The following ROBO2 variants were observed in gnomAD, a reference collection of about 807,000 sequenced individuals.
The protein encoded by ROBO2 is roundabout homolog 2.
A neutral mutation model predicts 160.8 loss-of-function variants in ROBO2; 53 were observed. The ratio of observed to expected loss-of-function variants is 0.33; its 90% confidence interval spans 0.26 to 0.41. ROBO2 has a LOEUF of 0.41. Among genes scored for constraint, ROBO2 ranks in the 10% least tolerant of loss-of-function variants. The pLI, the probability that ROBO2 is intolerant of heterozygous loss-of-function variation, is 1.00. For missense variants in ROBO2, 1,577 were observed against 1,722.4 expected, an observed-to-expected ratio of 0.92 and a Z score of 1.49; for synonymous variants, 664 against 611.7, an observed-to-expected ratio of 1.09 and a Z score of -1.26.
chr3:76,321,084 A>T (rs1212763800), intron 2 of ROBO2, among the ~76,000 whole-genome samples: 19 of 152,224 alleles, frequency 1.2e-4, no homozygotes, highest in Admixed American at 1.2e-3. Flanking sequence ...ACAAGAATGA[A>T]GATACATTTA....
intron 2 of ROBO2, among the ~76,000 whole-genome samples, chr3:76,038,435 A>C (rs1157324376): frequency 6.6e-6 from 1 of 151,998 alleles, no homozygotes; most frequent in Admixed American, 6.5e-5. Flanking sequence ...GAATGAGATT[A>C]CATTGTATGA....
intron 1 of ROBO2, among the ~76,000 whole-genome samples, chr3:77,076,304 T>G (rs991322250): frequency 6.6e-6 from 1 of 152,140 alleles, no homozygotes; most frequent in African/African-American, 2.4e-5. Context: ...ACTCTTTAAC[T>G]TTTTAGGGAT....
At chr3:77,482,296 C>G (rs2084800407) in intron 4 of ROBO2, among the ~76,000 whole-genome samples, 2 of 152,120 alleles carry the variant, frequency 1.3e-5, no homozygotes, top group Admixed American at 1.3e-4. Context: ...AGGACACACC[C>G]AAGTGTGGCA....
intron 3 of ROBO2, among the ~76,000 whole-genome samples, chr3:77,480,180 C>T (rs554683689): frequency 3.3e-5 from 5 of 152,098 alleles, no homozygotes; most frequent in South Asian, 4.2e-4. Flanking sequence ...TAAGAGCCAA[C>T]GTACATGAGT....
chr3:77,582,721 A>G (rs1453283608), intron 16 of ROBO2, among the ~76,000 whole-genome samples: 3 of 151,904 alleles, frequency 2.0e-5, no homozygotes, highest in Admixed American at 6.6e-5. Flanking sequence ...TTTTACTTCT[A>G]TGTAATAAAC....
chr3:75,996,562 A>C (rs942032817), intron 2 of ROBO2, among the ~76,000 whole-genome samples: 2 of 152,200 alleles, frequency 1.3e-5, no homozygotes, highest in African/African-American at 2.4e-5. Context: ...AGACATCCTC[A>C]TACATCCATT....
At chr3:77,493,795 A>G (rs116398489) in intron 5 of ROBO2, among the ~76,000 whole-genome samples, 2,695 of 152,230 alleles carry the variant, frequency 0.018, 76 homozygotes, top group African/African-American at 0.059. Flanking sequence ...CTAACAAAAG[A>G]CTATTGCATG....
At position 77,562,751 on chromosome 3, in the gene ROBO2, A is replaced by G. The variant is rs369376352; in HGVS notation, c.1519+19A>G. 1.3e-6 allele frequency: 2 copies of G among 1,582,248 alleles called. 1 individual carries two copies. Among genetic ancestry groups the G allele is most frequent in the Middle Eastern group, 3.3e-4 (2 of 6,004 alleles). On this transcript the variant is annotated intron_variant, in intron 10 of 25. Transcript: ENST00000461745. ...GTGACAGGTGAGGACTTTGTGAATT[A>G]GGAGAAATCTTGGGCCCCTTTTCTG...
intron 2 of ROBO2, among the ~76,000 whole-genome samples, chr3:76,079,777 GAAGTA>G (rs770344726): frequency 6.6e-6 from 1 of 151,862 alleles, no homozygotes; most frequent in Non-Finnish European, 1.5e-5. Flanking sequence ...GTTTTTGAAT[GAAGTA>G]AAGTCTGACT....
intron 2 of ROBO2, among the ~76,000 whole-genome samples, chr3:76,137,409 T>C (rs1487021839): frequency 6.6e-6 from 1 of 152,046 alleles, no homozygotes; most frequent in Non-Finnish European, 1.5e-5. Context: ...CTCATACAGT[T>C]GTGGACCAAA....
chr3:76,938,527 CT>C (rs775374590), intron 2 of ROBO2, among the ~76,000 whole-genome samples: 14 of 152,158 alleles, frequency 9.2e-5, no homozygotes, highest in Non-Finnish European at 2.1e-4. Flanking sequence ...CTCTCTCTCT[CT>C]CTCTGAGCTT....
intron 2 of ROBO2, among the ~76,000 whole-genome samples, chr3:76,840,645 TTATATATATA>T (rs3068959): frequency 0.011 from 1,424 of 134,966 alleles, 11 homozygotes; most frequent in African/African-American, 0.02. Flanking sequence ...TAATTATATT[TTATATATATA>T]TATATATATA....
chr3:76,256,337 C>CA (rs1271775088), intron 2 of ROBO2, among the ~76,000 whole-genome samples: 228 of 96,464 alleles, frequency 2.4e-3, no homozygotes, highest in Non-Finnish European at 2.7e-3. Context: ...CTCTCTCTCT[C>CA]TCTCTCTCTC....
At chr3:77,421,375 A>G (rs1235349986) in intron 2 of ROBO2, among the ~76,000 whole-genome samples, 1 of 152,150 alleles carries the variant, frequency 6.6e-6, no homozygotes, top group Non-Finnish European at 1.5e-5. Flanking sequence ...CTGATCGTGT[A>G]TAACATTTTT....
At chr3:76,305,603 A>G (rs2107758573) in intron 2 of ROBO2, among the ~76,000 whole-genome samples, 1 of 151,596 alleles carries the variant, frequency 6.6e-6, no homozygotes, top group Non-Finnish European at 1.5e-5. Context: ...TGCTAAAAAT[A>G]CAAAAATTAG....
chr3:76,631,899 ACT>A (rs1193481919), intron 2 of ROBO2, among the ~76,000 whole-genome samples: 1 of 152,126 alleles, frequency 6.6e-6, no homozygotes, highest in African/African-American at 2.4e-5. Context: ...AAGAATGTTC[ACT>A]CTCTCTGCAG....
intron 2 of ROBO2, among the ~76,000 whole-genome samples, chr3:77,164,279 ACT>A (rs1228911950): frequency 3.9e-5 from 6 of 152,000 alleles, no homozygotes; most frequent in African/African-American, 1.4e-4. Flanking sequence ...GTGTAAAACA[ACT>A]CTTTTTATTA....
intron 2 of ROBO2, among the ~76,000 whole-genome samples, chr3:77,382,422 G>A (rs1226930699): frequency 7.8e-6 from 1 of 128,216 alleles, no homozygotes; most frequent in East Asian, 2.2e-4. Context: ...CTTCTTTTTT[G>A]TAATTTCAAT....
At chr3:77,621,703 G>A (rs1261651638) in intron 22 of ROBO2, among the ~76,000 whole-genome samples, 1 of 152,104 alleles carries the variant, frequency 6.6e-6, no homozygotes, top group South Asian at 2.1e-4. Flanking sequence ...TAGCCTTCCA[G>A]CCTTGATGTG....
Sources: allele counts gnomAD v4.1 joint callset (sites outside exome capture counted in the v4.1 genomes callset), GRCh38; gene constraint gnomAD v4.1.1; transcripts MANE v1.5; gene names NCBI Gene and HGNC (gene_info 2026-07-23, HGNC 2026-07-21).